The following NAV3 variants were observed in gnomAD, a reference collection of about 807,000 sequenced individuals.
The protein encoded by NAV3 is neuron navigator 3.
Under a neutral mutation model 244.7 loss-of-function variants are expected in NAV3, and 87 were observed. That is an observed-to-expected ratio of 0.36 (90% CI 0.30 to 0.42). The LOEUF (loss-of-function observed/expected upper bound fraction) is 0.42. Among genes scored for constraint, NAV3 ranks in the 20% least tolerant of loss-of-function variants. The probability of loss-of-function intolerance (pLI) is 1.00; values close to 1 mark genes in which losing one functional copy is unlikely to be tolerated. For missense variants in NAV3, 2,663 were observed against 2,893.3 expected, an observed-to-expected ratio of 0.92 and a Z score of 1.83; for synonymous variants, 1,126 against 1,042.2, an observed-to-expected ratio of 1.08 and a Z score of -1.55.
intron 1 of NAV3, among the ~76,000 whole-genome samples, chr12:77,862,006 C>T (rs1390892322): frequency 6.6e-6 from 1 of 151,780 alleles, no homozygotes; most frequent in Non-Finnish European, 1.5e-5. Context: ...GTATTCCACA[C>T]ACACATGAAT....
intron 2 of NAV3, among the ~76,000 whole-genome samples, chr12:77,788,177 A>G (rs1384291025): frequency 6.6e-6 from 1 of 152,236 alleles, no homozygotes; most frequent in Non-Finnish European, 1.5e-5. Context: ...ATAGACCCAA[A>G]TAACATCTTT....
chr12:77,726,925 T>C (rs554900076), intron 2 of NAV3, among the ~76,000 whole-genome samples: 1 of 151,922 alleles, frequency 6.6e-6, no homozygotes, highest in South Asian at 2.1e-4. Context: ...TATGCCAAGG[T>C]AATAATATGG....
chr12:78,106,506 C>T (rs1954809146), intron 12 of NAV3, among the ~76,000 whole-genome samples: 1 of 152,106 alleles, frequency 6.6e-6, no homozygotes, highest in South Asian at 2.1e-4. Context: ...TCAATAGATT[C>T]AATATAATGG....
intron 1 of NAV3, among the ~76,000 whole-genome samples, chr12:77,916,625 T>A (rs1887175578): frequency 6.6e-6 from 1 of 152,066 alleles, no homozygotes; most frequent in South Asian, 2.1e-4. Context: ...AACCTATGAA[T>A]GGAATTCTAC....
chr12:78,134,642 C>T lies in NAV3; in HGVS notation c.4442-2535C>T, dbSNP rs543151452. Among the ~76,000 whole-genome samples, 14 of 152,226 alleles carry T rather than the reference C, an allele frequency of 9.2e-5. No individual in the cohort carries two copies. The South Asian group carries it at 2.3e-3, about 25-fold the overall frequency. ...TGGATCATGCCTGTAATACCAGCAG[C>T]ACTCAGGAGGCTGGGGCAAGAGGAT... On this transcript the variant is annotated intron_variant, in intron 18 of 39. Transcript: ENST00000397909.
intron 2 of NAV3, among the ~76,000 whole-genome samples, chr12:77,697,757 G>A (rs967038505): frequency 2.0e-5 from 3 of 152,028 alleles, no homozygotes; most frequent in African/African-American, 7.2e-5. Context: ...AGAATGGAAG[G>A]AATACAATTA....
At chr12:78,113,976 T>C (rs1440687868) in intron 12 of NAV3, among the ~76,000 whole-genome samples, 3 of 152,182 alleles carry the variant, frequency 2.0e-5, no homozygotes, top group Non-Finnish European at 4.4e-5. Context: ...ACTTTGCTTC[T>C]CAGAAATATC....
intron 12 of NAV3, among the ~76,000 whole-genome samples, chr12:78,114,112 C>G (rs1955244945): frequency 6.6e-6 from 1 of 152,226 alleles, no homozygotes; most frequent in African/African-American, 2.4e-5. Flanking sequence ...CAGTTCCCAA[C>G]AAGTTCCTCA....
chr12:77,903,015 C>A (rs1007517052), intron 1 of NAV3, among the ~76,000 whole-genome samples: 1 of 152,196 alleles, frequency 6.6e-6, no homozygotes, highest in African/African-American at 2.4e-5. Context: ...AATGGAAGCA[C>A]ATTCCATGCT....
intron 12 of NAV3, among the ~76,000 whole-genome samples, chr12:78,098,477 A>G (rs905540192): frequency 2.6e-5 from 4 of 151,938 alleles, no homozygotes; most frequent in Non-Finnish European, 5.9e-5. Context: ...TAATAAATAG[A>G]AAAGAAATAG....
chr12:77,938,931 C>CGTGTGTGTGTGT lies in NAV3; in HGVS notation c.244-1367_244-1356dup, dbSNP rs35392593. 6.9e-3 allele frequency among the ~76,000 whole-genome samples: 977 copies of CGTGTGTGTGTGT among 142,554 alleles called. 7 individuals are homozygous for CGTGTGTGTGTGT. The highest frequency in any genetic ancestry group is 0.023 in the African/African-American group (891 of 38,658). 93.5% of individuals were successfully genotyped at this position (142,554 alleles called of 152,430 possible). ...CCAAATTTGGTTTAAAATGTGATCT[C>CGTGTGTGTGTGT]GTGTGTGTGTGTGTGTGTGTGTGTG... On this transcript the variant is annotated intron_variant, in intron 1 of 39. Transcript: ENST00000397909.
chr12:78,047,423 C>T (rs1326357611), intron 9 of NAV3, among the ~76,000 whole-genome samples: 3 of 152,218 alleles, frequency 2.0e-5, no homozygotes, highest in African/African-American at 7.2e-5. Flanking sequence ...GGAGGCGGAG[C>T]TTGCAGTGAG....
intron 2 of NAV3, among the ~76,000 whole-genome samples, chr12:77,795,745 A>G (rs1362510436): frequency 6.6e-6 from 1 of 152,160 alleles, no homozygotes; most frequent in Non-Finnish European, 1.5e-5. Flanking sequence ...GTTGAAGTCA[A>G]TGCTCATTGA....
In NAV3 at chr12:78,017,452, G is replaced by A. The variant is rs541945093; in HGVS notation, c.1908-4295G>A. Among the ~76,000 whole-genome samples, 62 of 152,134 alleles carry A rather than the reference G, an allele frequency of 4.1e-4. 1 individual carries two copies. In the South Asian group the frequency reaches 0.011, roughly 27 times the overall value. ...TATCTCAGAAAGTAAATAAATAAAAGAAATCCAGATAAACTGTTTTTGCAA... is the reference window on the plus strand; with the variant it reads ...TATCTCAGAAAGTAAATAAATAAAAAAAATCCAGATAAACTGTTTTTGCAA... On this transcript the variant is annotated intron_variant, in intron 8 of 39. Coordinates refer to ENST00000397909, the MANE Select transcript of NAV3 (RefSeq NM_001024383.2).
chr12:78,164,533 T>C (rs1957699114), intron 23 of NAV3, among the ~76,000 whole-genome samples: 1 of 152,114 alleles, frequency 6.6e-6, no homozygotes, highest in Non-Finnish European at 1.5e-5. Context: ...CATCTAGAAG[T>C]GTTTTTAAAA....
intron 2 of NAV3, among the ~76,000 whole-genome samples, chr12:77,595,836 A>T (rs867787255): frequency 6.6e-6 from 1 of 152,318 alleles, no homozygotes; most frequent in Middle Eastern, 3.4e-3. Flanking sequence ...AAAAATATGA[A>T]GTATATTTGC....
At chr12:77,990,982 A>G (rs1468825638) in intron 5 of NAV3, among the ~76,000 whole-genome samples, 1 of 152,202 alleles carries the variant, frequency 6.6e-6, no homozygotes, top group Non-Finnish European at 1.5e-5. Context: ...GTTTGGTGAC[A>G]CATGACATAT....
chr12:77,897,549 A>G (rs888852326), intron 1 of NAV3, among the ~76,000 whole-genome samples: 5 of 152,078 alleles, frequency 3.3e-5, no homozygotes, highest in Admixed American at 6.6e-5. Flanking sequence ...GTTTCAAGTA[A>G]CTTCACAGCA....
chr12:77,716,001 C>A (rs1050733983), intron 2 of NAV3, among the ~76,000 whole-genome samples: 2 of 151,934 alleles, frequency 1.3e-5, no homozygotes, highest in African/African-American at 2.4e-5. Flanking sequence ...AAAGGAAAGT[C>A]ATTTACTTCT....
Sources: allele counts gnomAD v4.1 joint callset (sites outside exome capture counted in the v4.1 genomes callset), GRCh38; gene constraint gnomAD v4.1.1; transcripts MANE v1.5; gene names NCBI Gene and HGNC (gene_info 2026-07-23, HGNC 2026-07-21).